CSMD3: variants seen among roughly 807,000 people sequenced by gnomAD.
The protein encoded by CSMD3 is CUB and sushi domain-containing protein 3.
CSMD3 carries 177 observed loss-of-function variants against 435.2 expected under a neutral mutation model. That is an observed-to-expected ratio of 0.41 (90% confidence interval 0.36 to 0.46). The LOEUF is 0.46. Among genes scored for constraint, CSMD3 ranks in the 20% least tolerant of loss-of-function variants. The probability of loss-of-function intolerance (pLI) is 0.34; values close to 1 mark genes in which losing one functional copy is unlikely to be tolerated. For missense variants in CSMD3, 4,265 were observed against 4,504.6 expected, an observed-to-expected ratio of 0.95 and a Z score of 1.52; for synonymous variants, 1,656 against 1,520.5, an observed-to-expected ratio of 1.09 and a Z score of -2.07.
At chr8:112,892,604 A>C (rs1447995757) in intron 10 of CSMD3, among the ~76,000 whole-genome samples, 2 of 151,514 alleles carry the variant, frequency 1.3e-5, no homozygotes. Context: ...AAACATCAAC[A>C]CCTACTGCCA....
chr8:112,587,662 G>A (rs1026037543), intron 22 of CSMD3, among the ~76,000 whole-genome samples: 1 of 151,624 alleles, frequency 6.6e-6, no homozygotes, highest in Non-Finnish European at 1.5e-5. Context: ...TAATTAATTT[G>A]ACCCTTCTTT....
chr8:112,612,296 G>A (rs1185636801), intron 22 of CSMD3, among the ~76,000 whole-genome samples: 1 of 152,176 alleles, frequency 6.6e-6, no homozygotes, highest in African/African-American at 2.4e-5. Flanking sequence ...CTGCATGGAT[G>A]TAAATAAAAA....
intron 32 of CSMD3, among the ~76,000 whole-genome samples, chr8:112,443,785 C>G (rs1263169513): frequency 6.6e-6 from 1 of 151,812 alleles, no homozygotes; most frequent in Non-Finnish European, 1.5e-5. Flanking sequence ...GGCAAAATGC[C>G]TGGCCCTTAA....
intron 1 of CSMD3, among the ~76,000 whole-genome samples, chr8:113,358,194 TA>T (rs1332131385): frequency 6.6e-6 from 1 of 152,214 alleles, no homozygotes; most frequent in Non-Finnish European, 1.5e-5. Flanking sequence ...AAGTGGAAAT[TA>T]AGTTGAAACA....
rs149064088 is a variant in CSMD3, at chr8:112,607,495, T to C, written c.3716-20260A>G. 2.0e-5 allele frequency among the ~76,000 whole-genome samples: 3 copies of C among 152,020 alleles called. No individual in the cohort carries two copies. In the East Asian group the frequency reaches 5.8e-4, roughly 29 times the overall value. On this transcript the variant is annotated intron_variant, in intron 22 of 70. Coordinates refer to ENST00000297405, the MANE Select transcript of CSMD3 (RefSeq NM_198123.2). The stretch of plus-strand genomic sequence containing the variant: ...CCAGATTCATTTAAAAGGCCAATAT[T>C]AACCTGACACCAAAGACAGACAAGA...
At chr8:112,584,261 A>G (rs568538765) in intron 23 of CSMD3, among the ~76,000 whole-genome samples, 1 of 151,948 alleles carries the variant, frequency 6.6e-6, no homozygotes, top group South Asian at 2.1e-4. Context: ...GGAGAGCTTT[A>G]TAAAAATCCA....
intron 27 of CSMD3, among the ~76,000 whole-genome samples, chr8:112,522,324 C>A: frequency 6.6e-6 from 1 of 151,830 alleles, no homozygotes; most frequent in East Asian, 1.9e-4. Context: ...TATAAGGAAT[C>A]TCTTTGAATT....
At chr8:113,141,880 A>T (rs2091557978) in intron 4 of CSMD3, among the ~76,000 whole-genome samples, 1 of 151,036 alleles carries the variant, frequency 6.6e-6, no homozygotes, top group South Asian at 2.1e-4. Context: ...TCTTCATAGA[A>T]ATTCCTAAGG....
Position 112,786,326 on chromosome 8 carries a change from G to A in CSMD3, c.1972+13836C>T, listed in dbSNP as rs539279799. The stretch of plus-strand genomic sequence containing the variant: ...ATTTAAGACCTGAAACTACTAAAAG[G>A]AAACACTGGGGAAACTCTCAGGACA... On this transcript the variant is annotated intron_variant, in intron 13 of 70. Coordinates refer to ENST00000297405, the MANE Select transcript of CSMD3 (RefSeq NM_198123.2). Among the ~76,000 whole-genome samples the A allele has an allele frequency of 2.6e-5, 4 of 151,964 alleles. No individual in the cohort carries two copies. In the South Asian group the frequency reaches 6.2e-4, roughly 24 times the overall value.
chr8:113,338,121 A>T (rs2094090850), intron 1 of CSMD3, among the ~76,000 whole-genome samples: 2 of 151,988 alleles, frequency 1.3e-5, no homozygotes, highest in African/African-American at 4.8e-5. Flanking sequence ...AAACAAGCCA[A>T]GCATTTTAGT....
intron 5 of CSMD3, among the ~76,000 whole-genome samples, chr8:113,047,521 C>G (rs2087888133): frequency 6.6e-6 from 1 of 152,166 alleles, no homozygotes; most frequent in Non-Finnish European, 1.5e-5. Context: ...ATTTCTTCCT[C>G]TATTTTTGAA....
intron 13 of CSMD3, among the ~76,000 whole-genome samples, chr8:112,776,722 A>T (rs938669476): frequency 3.3e-5 from 5 of 151,788 alleles, no homozygotes; most frequent in African/African-American, 9.7e-5. Context: ...TTAATTTTTA[A>T]AATTGTCTTT....
intron 13 of CSMD3, among the ~76,000 whole-genome samples, chr8:112,784,327 G>C (rs189980307): frequency 1.4e-4 from 21 of 151,728 alleles, no homozygotes; most frequent in Admixed American, 1.4e-3. Context: ...TACATCAAAA[G>C]AGTAAAAAAA....
chr8:112,853,315 T>G (rs976372718), intron 11 of CSMD3, among the ~76,000 whole-genome samples: 1 of 152,076 alleles, frequency 6.6e-6, no homozygotes, highest in Non-Finnish European at 1.5e-5. Flanking sequence ...AAGCTCTGCC[T>G]CCCGGGTTCA....
chr8:112,580,267 G>A (rs1412140073), intron 23 of CSMD3, among the ~76,000 whole-genome samples: 2 of 152,078 alleles, frequency 1.3e-5, no homozygotes, highest in African/African-American at 4.8e-5. Flanking sequence ...GGTGAGGGAA[G>A]AAGTTCAGTA....
intron 5 of CSMD3, among the ~76,000 whole-genome samples, chr8:113,020,689 TCA>T (rs568916903): frequency 6.2e-4 from 94 of 152,296 alleles, no homozygotes; most frequent in Middle Eastern, 3.4e-3. Context: ...TCTTCAAAGC[TCA>T]CAGTTTTCTT....
At chr8:112,383,300 T>C (rs979799105) in intron 37 of CSMD3, among the ~76,000 whole-genome samples, 1 of 152,130 alleles carries the variant, frequency 6.6e-6, no homozygotes, top group African/African-American at 2.4e-5. Context: ...TCCTGAACCC[T>C]AACTCAGCTG....
intron 6 of CSMD3, among the ~76,000 whole-genome samples, chr8:112,979,174 A>G (rs957523041): frequency 6.6e-6 from 1 of 151,902 alleles, no homozygotes; most frequent in Admixed American, 6.6e-5. Context: ...TTAATCTGTT[A>G]GTATAAAATA....
At chr8:113,247,958 T>A (rs1257554725) in intron 3 of CSMD3, among the ~76,000 whole-genome samples, 2 of 152,056 alleles carry the variant, frequency 1.3e-5, no homozygotes, top group Non-Finnish European at 2.9e-5. Context: ...TTTGCATGTA[T>A]TTGAAAATAG....
Sources: allele counts gnomAD v4.1 joint callset (sites outside exome capture counted in the v4.1 genomes callset), GRCh38; gene constraint gnomAD v4.1.1; transcripts MANE v1.5; gene names NCBI Gene and HGNC (gene_info 2026-07-23, HGNC 2026-07-21).